Variants in SAMSN1 observed in about 807,000 individuals in gnomAD.
SAMSN1 encodes SAM domain, SH3 domain and nuclear localization signals 1, also known as SAM domain-containing protein SAMSN-1.
A neutral mutation model predicts 42.0 loss-of-function variants in SAMSN1; 31 were observed. The ratio of observed to expected loss-of-function variants is 0.74; its 90% CI spans 0.55 to 1.00. The LOEUF is 1.00. Among genes scored for constraint, SAMSN1 ranks in the 50% least tolerant of loss-of-function variants. The pLI, the probability that SAMSN1 is intolerant of heterozygous loss-of-function variation, is 0.00. For synonymous variants in SAMSN1, 178 were observed against 151.9 expected, an observed-to-expected ratio of 1.17 and a Z score of -1.26; for missense variants, 464 against 439.4, an observed-to-expected ratio of 1.06 and a Z score of -0.50.
At chr21:14,526,885 G>C (rs2822743) in intron 1 of SAMSN1, among the ~76,000 whole-genome samples, 35,231 of 152,164 alleles carry the variant, frequency 0.23, 4,825 homozygotes, top group East Asian at 0.45. Context: ...AATCAAACTT[G>C]TGATCAAAAC....
Position 14,653,647 on chromosome 21 carries a change from G to T in SAMSN1, c.24+5101C>A, listed in dbSNP as rs1250009773. Among the ~76,000 whole-genome samples, 4 of 151,988 alleles carry T rather than the reference G, an allele frequency of 2.6e-5. No individual in the cohort carries two copies. The East Asian group carries it at 5.8e-4, about 22-fold the overall frequency. The stretch of plus-strand genomic sequence containing the variant: ...CGTACATTTTAAAATAATTTAAAGG[G>T]TGTAAGTGGAATGTTTTTAACTCAA... On this transcript the variant is annotated intron_variant, in intron 1 of 15. Transcript: ENST00000647101.
chr21:14,626,937 C>T (rs1217600880), intron 2 of SAMSN1, among the ~76,000 whole-genome samples: 2 of 152,144 alleles, frequency 1.3e-5, no homozygotes, highest in East Asian at 3.8e-4. Flanking sequence ...CCATGGAATA[C>T]TATGCAGCCA....
rs192457067 is a variant in SAMSN1, at chr21:14,486,709, G to A, written c.920-595C>T. On this transcript the variant is annotated intron_variant, in intron 7 of 7. Transcript: ENST00000400566. ...ATCACAAAATAGGCATAAGAAACCA[G>A]GTTGCTTTTAGAAAGTAAAACACCA... 8.5e-5 allele frequency among the ~76,000 whole-genome samples: 13 copies of A among 152,114 alleles called. No homozygotes were observed. In the East Asian group the frequency reaches 2.3e-3, roughly 27 times the overall value.
At chr21:14,616,540 A>G (rs1176153254) in intron 2 of SAMSN1, among the ~76,000 whole-genome samples, 2 of 152,166 alleles carry the variant, frequency 1.3e-5, no homozygotes, top group Non-Finnish European at 2.9e-5. Flanking sequence ...TCTTCAGATC[A>G]AGTGACCATT....
At position 14,560,021 on chromosome 21, in the gene SAMSN1, C is replaced by T. The variant is rs376859507; in HGVS notation, c.261+22115G>A. Among the ~76,000 whole-genome samples, 97 of 152,232 alleles carry T rather than the reference C, an allele frequency of 6.4e-4. 1 individual carries two copies. The highest frequency in any genetic ancestry group is 2.3e-3 in the African/African-American group (95 of 41,550). ...GTGTCCAAAGACGGAAAGGTATGAACTGTGCCTTCCAAGACTTTACAGTTC... is the reference window on the plus strand; with the variant it reads ...GTGTCCAAAGACGGAAAGGTATGAATTGTGCCTTCCAAGACTTTACAGTTC... On this transcript the variant is annotated intron_variant, in intron 2 of 8. Transcript: ENST00000285670.
chr21:14,629,479 TG>T (rs1316236014), intron 2 of SAMSN1, among the ~76,000 whole-genome samples: 19 of 152,164 alleles, frequency 1.2e-4, no homozygotes, highest in Admixed American at 1.2e-3. Context: ...GAGAATAAAA[TG>T]AAGAAGGAAA....
chr21:14,519,808 CAG>C (rs1409565112), intron 2 of SAMSN1, among the ~76,000 whole-genome samples: 1 of 151,982 alleles, frequency 6.6e-6, no homozygotes, highest in Non-Finnish European at 1.5e-5. Context: ...CAATGGTAAA[CAG>C]TATTTTCAGT....
chr21:14,516,047 A>C (rs1323792816), intron 3 of SAMSN1, among the ~76,000 whole-genome samples: 1 of 152,254 alleles, frequency 6.6e-6, no homozygotes. Flanking sequence ...TGGAACCCTC[A>C]TACATTGTTG....
intron 1 of SAMSN1, among the ~76,000 whole-genome samples, chr21:14,536,786 G>A (rs1979650124): frequency 6.6e-6 from 1 of 152,200 alleles, no homozygotes; most frequent in Non-Finnish European, 1.5e-5. Flanking sequence ...TGGCATGCAA[G>A]CACCAACTGG....
intron 2 of SAMSN1, among the ~76,000 whole-genome samples, chr21:14,560,327 T>C (rs1471909121): frequency 6.6e-6 from 1 of 152,164 alleles, no homozygotes; most frequent in African/African-American, 2.4e-5. Context: ...CTTTGCAAGA[T>C]TATGGCAGCA....
At chr21:14,537,965 G>A (rs1979739751) in intron 1 of SAMSN1, among the ~76,000 whole-genome samples, 1 of 152,134 alleles carries the variant, frequency 6.6e-6, no homozygotes, top group African/African-American at 2.4e-5. Context: ...GATGAACCTT[G>A]AGATACATTT....
rs769138081 is a variant in SAMSN1, at chr21:14,500,569, G to A, written c.728C>T (p.Ser243Phe). 1 of 1,614,058 alleles carries A rather than the reference G, an allele frequency of 6.2e-7. No homozygotes were observed. Among genetic ancestry groups the A allele is most frequent in the Non-Finnish European group, 8.5e-7 (1 of 1,179,990 alleles). Residue 243 changes from serine (S) to phenylalanine (F), a missense_variant, in exon 6 of 8, where the codon TCC (serine) becomes TTC (phenylalanine). By Grantham distance (155) the Ser-to-Phe change is radical. Transcript: ENST00000400566. ...CTCTAGGAACTCCTGCAGAGTCTTGGATTTTTTGCTGTTACTCCTTCGGTT... is the reference window on the plus strand; with the variant it reads ...CTCTAGGAACTCCTGCAGAGTCTTGAATTTTTTGCTGTTACTCCTTCGGTT... ...KANRRSNSKK[S>F]KTLQEFLERI...
upstream of SAMSN1, among the ~76,000 whole-genome samples, chr21:14,586,938 C>T (rs1981937447): frequency 6.6e-6 from 1 of 152,090 alleles, no homozygotes; most frequent in Admixed American, 6.5e-5. Flanking sequence ...TGGAAGAATG[C>T]TTAGTATGTG....
At position 14,500,628 on chromosome 21, in the gene SAMSN1, T is replaced by C. The variant is rs747735200; in HGVS notation, c.669A>G (p.Ser223=). The C allele has an allele frequency of 6.2e-7, 1 of 1,614,058 alleles. No homozygotes were observed. Among genetic ancestry groups the C allele is most frequent in the South Asian group, 1.1e-5 (1 of 91,088 alleles). The stretch of plus-strand genomic sequence containing the variant: ...TTTTCTTGGGGGCTGCTTCCTCTTC[T>C]GAGATGACATCCACATAAATGAATT... The part of the protein sequence containing the change: ...NFKFIYVDVI[S]EEEAAPKKIK... The change falls in exon 6 of 8, where the codon TCA becomes TCG. Residue 223 remains serine, a synonymous_variant. Transcript: ENST00000400566.
chr21:14,503,237 A>C lies in SAMSN1; in HGVS notation c.562-2502T>G, dbSNP rs147170159. Among the ~76,000 whole-genome samples, 262 of 152,028 alleles carry C rather than the reference A, an allele frequency of 1.7e-3. 2 individuals carry two copies. The highest frequency in any genetic ancestry group is 6.2e-3 in the African/African-American group (256 of 41,456). ...CTGACAAATCAGGTAGGATCCCTTA[A>C]AAAAAAAGATTAAGGCCTGAGTGAG... On this transcript the variant is annotated intron_variant, in intron 5 of 7. Coordinates refer to ENST00000400566, the MANE Select transcript of SAMSN1 (RefSeq NM_022136.5).
At chr21:14,639,193 G>T (rs917104509) in intron 2 of SAMSN1, among the ~76,000 whole-genome samples, 4 of 152,326 alleles carry the variant, frequency 2.6e-5, no homozygotes, top group Middle Eastern at 3.4e-3. Context: ...CAAATTGGCA[G>T]AGATACAAAC....
intron 7 of SAMSN1, among the ~76,000 whole-genome samples, chr21:14,589,749 G>A (rs934347422): frequency 3.3e-5 from 5 of 151,946 alleles, no homozygotes; most frequent in Non-Finnish European, 5.9e-5. Context: ...TGAATAACAC[G>A]TCAGACTTGA....
chr21:14,495,206 G>A (rs1376759623), intron 7 of SAMSN1, among the ~76,000 whole-genome samples: 1 of 152,154 alleles, frequency 6.6e-6, no homozygotes, highest in Admixed American at 6.5e-5. Context: ...ATATACTCAA[G>A]GTCTTTATCA....
intron 2 of SAMSN1, among the ~76,000 whole-genome samples, chr21:14,642,434 C>A (rs1183040631): frequency 6.6e-6 from 1 of 152,174 alleles, no homozygotes; most frequent in Non-Finnish European, 1.5e-5. Context: ...AGAGCATAAA[C>A]TTTGAAAGCA....
Sources: gnomAD v4.1 joint callset for allele counts (sites outside exome capture counted in the v4.1 genomes callset) on GRCh38, gnomAD v4.1.1 for gene constraint, MANE v1.5 for transcripts, NCBI Gene and HGNC (gene_info 2026-07-23, HGNC 2026-07-21) for gene names.